The following GARS1 variants were observed in gnomAD, a reference collection of about 807,000 sequenced individuals.
The protein encoded by GARS1 is glycyl-tRNA synthetase 1.
In GARS1, 46 loss-of-function variants were observed where a neutral mutation model predicts 86.4. That is an observed-to-expected ratio of 0.53 (90% CI 0.42 to 0.68). The LOEUF is 0.68. GARS1 is among the 30% of genes least tolerant of loss of function. The pLI is 0.00. For missense variants in GARS1, 797 were observed against 915.6 expected, an observed-to-expected ratio of 0.87 and a Z score of 1.67; for synonymous variants, 342 against 329.8, an observed-to-expected ratio of 1.04 and a Z score of -0.40.
chr7:30,631,872 A>G (rs1372543737), intron 15 of GARS1: 1 of 384,866 alleles, frequency 2.6e-6, no homozygotes, highest in East Asian at 6.2e-5. Flanking sequence ...CACAGAATCC[A>G]CAGCCCTGAA....
Position 30,598,943 on chromosome 7 carries a change from T to C in GARS1, c.324+46T>C, listed in dbSNP as rs751619983. 11 of 1,437,038 alleles carry C rather than the reference T, an allele frequency of 7.7e-6. No homozygotes were observed. In the East Asian group the frequency reaches 2.3e-4, roughly 30 times the overall value. 89.0% of individuals were successfully genotyped at this position (1,437,038 alleles called of 1,614,324 possible). ...ATAGGAACATAAGTAGGTATAGGAT[T>C]GTTCATCTTTAATTTCTTTGGATGG... On this transcript the variant is annotated intron_variant, in intron 2 of 16. Transcript: ENST00000389266.
intron 12 of GARS1, among the ~76,000 whole-genome samples, chr7:30,625,320 G>T (rs777055992): frequency 1.3e-5 from 2 of 152,192 alleles, no homozygotes; most frequent in Admixed American, 1.3e-4. Context: ...GTGACACTGT[G>T]TATGTAATGG....
intron 12 of GARS1, among the ~76,000 whole-genome samples, chr7:30,623,819 C>T (rs1783068442): frequency 6.6e-6 from 1 of 152,140 alleles, no homozygotes. Context: ...ACCTTTAAAG[C>T]AGCTAGTGGG....
In GARS1 at chr7:30,612,144, A is replaced by G; in HGVS notation, c.930A>G (p.Arg310=). ...TAQGIFLNFK[R]LLEFNQGKLP... is the part of the protein sequence containing the mutation. ...AGGGGATTTTCTTGAATTTCAAACG[A>G]CTTTTGGAGTTCAACCAAGGAAAGT... is the stretch of plus-strand genomic sequence containing the variant. Residue 310 remains arginine, a synonymous_variant, in exon 8 of 17, where the codon CGA becomes CGG. Coordinates refer to ENST00000389266, the MANE Select transcript of GARS1 (RefSeq NM_002047.4). 1 of 1,614,030 alleles carries G rather than the reference A, an allele frequency of 6.2e-7. No homozygotes were observed. The highest frequency in any genetic ancestry group is 8.5e-7 in the Non-Finnish European group (1 of 1,179,928).
chr7:30,621,821 T>C, intron 11 of GARS1: 3 of 431,026 alleles, frequency 7.0e-6, no homozygotes, highest in Non-Finnish European at 1.2e-5. Flanking sequence ...CTACGTGCTC[T>C]TTAAATAAAG....
Position 30,615,927 on chromosome 7 carries a change from G to C in GARS1, c.1063G>C (p.Val355Leu). The C allele has an allele frequency of 6.2e-7, 1 of 1,614,190 alleles. No homozygotes were observed. The highest frequency in any genetic ancestry group is 8.5e-7 in the Non-Finnish European group (1 of 1,180,044). The part of the protein sequence containing the change: ...EFTMAEIEHF[V>L]DPSEKDHPKF... ...CACAATGGCAGAAATTGAGCACTTTGTAGATCCCAGTGAGAAAGACCACCC... is the reference window on the plus strand; with the variant it reads ...CACAATGGCAGAAATTGAGCACTTTCTAGATCCCAGTGAGAAAGACCACCC... Residue 355 changes from valine (V) to leucine (L), a missense_variant, in exon 9 of 17, where the codon GTA becomes CTA. Val to Leu is a conservative substitution (Grantham distance 32). Coordinates refer to ENST00000389266, the MANE Select transcript of GARS1 (RefSeq NM_002047.4).
Position 30,621,434 on chromosome 7 carries a change from T to C in GARS1, c.1401T>C (p.Tyr467=), listed in dbSNP as rs751936634. 5 of 1,614,124 alleles carry C rather than the reference T, an allele frequency of 3.1e-6. No individual in the cohort carries two copies. In the African/African-American group the frequency reaches 4.0e-5, roughly 13 times the overall value. ...EIVGCADRSC[Y]DLSCHARATK... ...TTGGATGTGCTGATCGTTCCTGTTA[T>C]GACCTCTCCTGTCATGCACGAGCCA... is the stretch of plus-strand genomic sequence containing the variant. Residue 467 remains tyrosine, a synonymous_variant, in exon 11 of 17, where the codon TAT becomes TAC. Coordinates refer to ENST00000389266, the MANE Select transcript of GARS1 (RefSeq NM_002047.4).
At chr7:30,622,815 A>G in intron 12 of GARS1, 1 of 311,878 alleles carries the variant, frequency 3.2e-6, no homozygotes, top group Non-Finnish European at 6.2e-6. Flanking sequence ...TAAACAATAG[A>G]GAAGGCCGGG....
intron 8 of GARS1, among the ~76,000 whole-genome samples, chr7:30,614,792 C>T (rs1048867278): frequency 2.7e-5 from 4 of 149,674 alleles, no homozygotes; most frequent in African/African-American, 4.9e-5. Flanking sequence ...AGGAGAATGG[C>T]GTGAACCCGG....
chr7:30,633,701 G>A lies in GARS1; in HGVS notation c.2095-34G>A, dbSNP rs1284919110. On this transcript the variant is annotated intron_variant, in intron 16 of 16. Coordinates refer to ENST00000389266, the MANE Select transcript of GARS1 (RefSeq NM_002047.4). ...TTCTTCTTAAAAATCTGAACAAGTT[G>A]GTTGATACTTGGCTTCTCTTTCCTT... The A allele has an allele frequency of 1.9e-6, 3 of 1,611,098 alleles. No homozygotes were observed. The African/African-American group carries it at 4.0e-5, about 22-fold the overall frequency.
At chr7:30,608,277 T>C (rs989817002) in intron 6 of GARS1, among the ~76,000 whole-genome samples, 2 of 152,236 alleles carry the variant, frequency 1.3e-5, no homozygotes, top group Non-Finnish European at 2.9e-5. Flanking sequence ...GGTTTTGCTT[T>C]CTATCTGTAT....
In GARS1 at chr7:30,614,598, G is replaced by A. The variant is rs555773288; in HGVS notation, c.1032-1298G>A. Reference sequence around the variant, plus strand: ...AATTTAAAAATTAAACCTCTTGGCCGGGCGCAGTGGCTCACGCCTGTAATC... The same window carrying A: ...AATTTAAAAATTAAACCTCTTGGCCAGGCGCAGTGGCTCACGCCTGTAATC... On this transcript the variant is annotated intron_variant, in intron 8 of 16. Coordinates refer to ENST00000389266, the MANE Select transcript of GARS1 (RefSeq NM_002047.4). 4.6e-5 allele frequency among the ~76,000 whole-genome samples: 7 copies of A among 152,246 alleles called. No homozygotes were observed. In the East Asian group the frequency reaches 5.8e-4, roughly 13 times the overall value.
intron 8 of GARS1, 133 bp from the exon 9 acceptor site, chr7:30,615,763 G>C (rs1043096596): frequency 5.9e-5 from 58 of 977,376 alleles, no homozygotes; most frequent in Non-Finnish European, 8.2e-5. Context: ...CCAACTTTCT[G>C]TTTAGTGAAA....
chr7:30,617,971 G>C (rs1248415870), intron 10 of GARS1, among the ~76,000 whole-genome samples: 1 of 152,162 alleles, frequency 6.6e-6, no homozygotes, highest in African/African-American at 2.4e-5. Flanking sequence ...TGTTAGAGAG[G>C]CTTCCTCGCC....
At chr7:30,627,321 T>C (rs1190856361) in intron 13 of GARS1, 1 of 190,672 alleles carries the variant, frequency 5.2e-6, no homozygotes, top group African/African-American at 2.4e-5. Context: ...TTTATAGCCA[T>C]GATCCTGGCA....
chr7:30,612,350 A>G, intron 8 of GARS1, 105 bp downstream of exon 8: 1 of 1,100,272 alleles, frequency 9.1e-7, no homozygotes, highest in South Asian at 1.3e-5. Flanking sequence ...CCTGATTATG[A>G]ATTTATTTTT....
Position 30,617,253 on chromosome 7 carries a change from G to A in GARS1, c.1334G>A (p.Trp445Ter). 6.2e-7 allele frequency: 1 copy of A among 1,613,920 alleles called. No individual in the cohort carries two copies. The highest frequency in any genetic ancestry group is 8.5e-7 in the Non-Finnish European group (1 of 1,179,860). ...NEMAHYACDC[W>*]DAESKTSYGW... ...ATGGCCCATTATGCCTGTGACTGTT[G>A]GGATGCAGAATCCAAAACATCCTAC... The change falls in exon 10 of 17, where the codon TGG becomes TAG. Residue 445 changes from tryptophan to a stop codon, truncating the protein, a stop_gained. Coordinates refer to ENST00000389266, the MANE Select transcript of GARS1 (RefSeq NM_002047.4). LOFTEE classifies it high-confidence loss of function.
chr7:30,628,502 C>A lies in GARS1; in HGVS notation c.1700-58C>A, dbSNP rs1314681191. The A allele has an allele frequency of 3.9e-6, 5 of 1,272,102 alleles. No individual in the cohort carries two copies. The African/African-American group carries it at 5.9e-5, about 15-fold the overall frequency. 78.8% of individuals were successfully genotyped at this position (1,272,102 alleles called of 1,614,324 possible). On this transcript the variant is annotated intron_variant, in intron 13 of 16. Coordinates refer to ENST00000389266, the MANE Select transcript of GARS1 (RefSeq NM_002047.4). ...AGCTGGTGAATTGTTTAGAGAGAATCTGAAATGCATTATGTGGTATTTGAG... is the reference window on the plus strand; with the variant it reads ...AGCTGGTGAATTGTTTAGAGAGAATATGAAATGCATTATGTGGTATTTGAG...
At position 30,598,815 on chromosome 7, in the gene GARS1, T is replaced by C; in HGVS notation, c.242T>C (p.Leu81Pro). The C allele has an allele frequency of 6.2e-7, 1 of 1,614,022 alleles. No homozygotes were observed. Among genetic ancestry groups the C allele is most frequent in the Non-Finnish European group, 8.5e-7 (1 of 1,179,910 alleles). The change falls in exon 2 of 17, where the codon CTC (leucine) becomes CCC (proline). Residue 81 changes from leucine (L) to proline (P), a missense_variant. Around this residue, in one of 2 missense-constraint regions of GARS1, gnomAD observed 199 missense variants for 176.9 expected, o/e 1.12. Transcript: ENST00000389266. ...GGCTAGGGAGATCTTGTGCGAAAAC[T>C]CAAAGAAGATAAAGCACCCCAAGTA... Reference protein sequence around the residue: ...VRQQGDLVRKLKEDKAPQVDV... With the variant: ...VRQQGDLVRKPKEDKAPQVDV...
Sources: gnomAD v4.1 joint callset for allele counts (sites outside exome capture counted in the v4.1 genomes callset) on GRCh38, gnomAD v4.1.1 for gene constraint, gnomAD v4.1.1 regional missense constraint, MANE v1.5 for transcripts, NCBI Gene and HGNC (gene_info 2026-07-23, HGNC 2026-07-21) for gene names.